The following CYREN variants were observed in gnomAD, a reference collection of about 807,000 sequenced individuals.
The protein encoded by CYREN is cell cycle regulator of NHEJ.
In CYREN, 7 loss-of-function variants were observed where a neutral mutation model predicts 9.7. That is an observed-to-expected ratio of 0.72 (90% CI 0.41 to 1.36). The LOEUF (loss-of-function observed/expected upper bound fraction) is 1.36, where lower values mean the gene tolerates loss of function less well. CYREN is among the 40% of genes most tolerant of loss of function. The pLI is 0.01. For synonymous variants in CYREN, 76 were observed against 77.9 expected (o/e 0.98, Z 0.13); for missense variants, 215 against 198.1 (o/e 1.09, Z -0.51).
chr7:135,142,966 A>G (rs1327567570), intron 2 of CYREN, among the ~76,000 whole-genome samples: 1 of 152,174 alleles, frequency 6.6e-6, no homozygotes, highest in Non-Finnish European at 1.5e-5. Context: ...CTGTTTCTAA[A>G]GTTCATATGG....
At chr7:135,139,316 T>C (rs188985411) in intron 2 of CYREN, among the ~76,000 whole-genome samples, 4 of 152,220 alleles carry the variant, frequency 2.6e-5, no homozygotes, top group Admixed American at 2.6e-4. Context: ...TGATTTTGAT[T>C]TGCATTTATC....
downstream of CYREN, among the ~76,000 whole-genome samples, chr7:135,162,677 A>G (rs1193880869): frequency 1.3e-5 from 2 of 152,186 alleles, no homozygotes; most frequent in African/African-American, 4.8e-5. Context: ...CCATGATCCA[A>G]TTACCTCCCA....
At chr7:135,169,096 C>T (rs1200699575) in intron 1 of CYREN, 36 bp from the exon 2 acceptor site, 5 of 618,866 alleles carry the variant, frequency 8.1e-6, no homozygotes, top group African/African-American at 7.5e-5. Context: ...AATTCCCATA[C>T]CTCCAGTCAT....
intron 2 of CYREN, chr7:135,128,761 G>A: frequency 1.5e-6 from 2 of 1,351,472 alleles, no homozygotes; most frequent in East Asian, 4.6e-5. Flanking sequence ...TCCCAACACA[G>A]AGCTAGATTT....
Position 135,166,760 on chromosome 7 carries a change from C to T in CYREN, c.325G>A (p.Glu109Lys). 6.2e-7 allele frequency: 1 copy of T among 1,614,160 alleles called. No individual in the cohort carries two copies. The highest frequency in any genetic ancestry group is 8.5e-7 in the Non-Finnish European group (1 of 1,180,040). The change falls in exon 4 of 4, where the codon GAG becomes AAG. Residue 109 changes from glutamate to lysine, a missense_variant. By Grantham distance (56) the Glu-to-Lys change is moderately conservative. Coordinates refer to ENST00000393114, the MANE Select transcript of CYREN (RefSeq NM_024033.4). ...SPHTSSGSSS[E>K]EEDSGKQALA... is the part of the protein sequence containing the mutation. Reference sequence around the variant, plus strand: ...GCCTGTTTCCCACTGTCCTCTTCCTCACTGCTGCTCCCAGAACTTGTGTGA... The same window carrying T: ...GCCTGTTTCCCACTGTCCTCTTCCTTACTGCTGCTCCCAGAACTTGTGTGA...
intron 2 of CYREN, chr7:135,129,042 C>T: frequency 6.2e-7 from 1 of 1,608,606 alleles, no homozygotes; most frequent in South Asian, 1.1e-5. Context: ...CAGAGATGGC[C>T]AGGTTCAATG....
chr7:135,134,955 C>G, intron 2 of CYREN: 1 of 1,551,158 alleles, frequency 6.4e-7, no homozygotes, highest in Non-Finnish European at 8.7e-7. Flanking sequence ...CAGAATGGGT[C>G]CAGTCTAAGC....
chr7:135,102,274 A>T (rs554698839), intron 2 of CYREN, among the ~76,000 whole-genome samples: 4 of 152,322 alleles, frequency 2.6e-5, no homozygotes, highest in African/African-American at 9.6e-5. Flanking sequence ...AGGTCTAAAA[A>T]TTGGACTACC....
intron 2 of CYREN, among the ~76,000 whole-genome samples, chr7:135,111,636 G>C (rs1825653287): frequency 6.6e-6 from 1 of 151,858 alleles, no homozygotes; most frequent in Admixed American, 6.6e-5. Context: ...GAATATCTGA[G>C]TGTCATATCT....
intron 2 of CYREN, among the ~76,000 whole-genome samples, chr7:135,119,264 C>G (rs1826775737): frequency 6.6e-6 from 1 of 151,652 alleles, no homozygotes; most frequent in African/African-American, 2.4e-5. Context: ...AAGTCTTGCT[C>G]AGTTACCCAG....
chr7:135,147,245 T>C (rs1187163753), intron 2 of CYREN, among the ~76,000 whole-genome samples: 1 of 152,208 alleles, frequency 6.6e-6, no homozygotes, highest in African/African-American at 2.4e-5. Flanking sequence ...TCAAAGCCTC[T>C]GTTCTTCCTT....
In CYREN at chr7:135,151,339, CT is replaced by C. The variant is rs1451766130; in HGVS notation, n.356+17409del. On this transcript the variant is annotated intron_variant and non_coding_transcript_variant, in intron 2 of 2. Coordinates refer to the CYREN transcript ENST00000459937. The surrounding 1 kb of genome is among the most constrained non-coding windows in gnomAD (Gnocchi z 4.3). Reference sequence around the variant, plus strand: ...ACCAAAGGAAATATGACACATTTCCCTTTCTTCTTCCCTTTTTATTTTTGTG... The same window carrying C: ...ACCAAAGGAAATATGACACATTTCCCTTCTTCTTCCCTTTTTATTTTTGTG... 3.3e-5 allele frequency among the ~76,000 whole-genome samples: 5 copies of C among 152,110 alleles called. No homozygotes were observed. The highest frequency in any genetic ancestry group is 7.4e-5 in the Non-Finnish European group (5 of 68,022).
intron 2 of CYREN, among the ~76,000 whole-genome samples, chr7:135,157,238 A>AG (rs1322182202): frequency 2.0e-5 from 3 of 152,178 alleles, no homozygotes; most frequent in African/African-American, 4.8e-5. Flanking sequence ...ATAAGGGAGA[A>AG]TTTTTTCCTG....
chr7:135,099,428 T>A (rs1193664849), intron 2 of CYREN, among the ~76,000 whole-genome samples: 2 of 152,234 alleles, frequency 1.3e-5, no homozygotes, highest in Non-Finnish European at 1.5e-5. Flanking sequence ...AAACTAGCCA[T>A]TAAATATATG....
chr7:135,129,197 C>T, intron 2 of CYREN: 1 of 1,422,730 alleles, frequency 7.0e-7, no homozygotes, highest in Non-Finnish European at 9.9e-7. Flanking sequence ...TGTACTGCCC[C>T]CACGCATGCT....
At chr7:135,130,567 T>G (rs1284306292) in intron 2 of CYREN, among the ~76,000 whole-genome samples, 3 of 151,898 alleles carry the variant, frequency 2.0e-5, no homozygotes, top group African/African-American at 4.8e-5. Flanking sequence ...ATGTTTTTAT[T>G]TCCTCTGCTG....
rs988508943 is a variant in CYREN at position 135,166,358 on chromosome 7, G to A, written c.*253C>T. ...TCCAGAGCCTCAAGAGCCAGGAGAG[G>A]GCACAGTACATACAGAGGGAGTCAA... On this transcript the variant is annotated 3_prime_UTR_variant, in exon 4 of 4. Transcript: ENST00000393114. The A allele has an allele frequency of 2.4e-6, 1 of 414,086 alleles. No homozygotes were observed. The highest frequency in any genetic ancestry group is 4.3e-6 in the Non-Finnish European group (1 of 235,168). The allele number at this position is 414,086 out of a possible 1,614,324, so 25.7% of individuals were successfully genotyped here. A position where few individuals can be genotyped will look rare whatever the true frequency, so the allele number is the denominator to read the frequency against.
chr7:135,143,368 A>G (rs1277706370), intron 2 of CYREN, among the ~76,000 whole-genome samples: 1 of 152,210 alleles, frequency 6.6e-6, no homozygotes, highest in Non-Finnish European at 1.5e-5. Flanking sequence ...TGAAACAAAG[A>G]TAGTCCTTTC....
intron 2 of CYREN, among the ~76,000 whole-genome samples, chr7:135,142,545 G>A (rs1829472209): frequency 6.6e-6 from 1 of 151,990 alleles, no homozygotes; most frequent in East Asian, 1.9e-4. Flanking sequence ...TTTGTTCACA[G>A]ATATCATGAC....
Sources: gnomAD v4.1 joint callset for allele counts (sites outside exome capture counted in the v4.1 genomes callset) on GRCh38, gnomAD v4.1.1 for gene constraint, Gnocchi (gnomAD v3.1) non-coding constraint, MANE v1.5 for transcripts, NCBI Gene and HGNC (gene_info 2026-07-23, HGNC 2026-07-21) for gene names.